PDE7A: variants seen among roughly 807,000 people sequenced by gnomAD.
PDE7A encodes high affinity 3',5'-cyclic-AMP phosphodiesterase 7A.
A neutral mutation model predicts 64.3 loss-of-function variants in PDE7A; 39 were observed. The observed-to-expected ratio is 0.61, with a 90% CI of 0.47 to 0.79. The LOEUF (loss-of-function observed/expected upper bound fraction) is 0.79, where lower values mean the gene tolerates loss of function less well. PDE7A is among the 30% of genes least tolerant of loss of function. PDE7A has a pLI of 0.00. For synonymous variants in PDE7A, 203 were observed against 206.8 expected, an observed-to-expected ratio of 0.98 and a Z score of 0.16; for missense variants, 470 against 582.8, an observed-to-expected ratio of 0.81 and a Z score of 1.99.
Position 65,779,738 on chromosome 8 carries a change from C to A in PDE7A, c.265G>T (p.Asp89Tyr). Residue 89 changes from aspartate to tyrosine, a missense_variant, in exon 3 of 13, where the codon GAT (aspartate) becomes TAT (tyrosine). Asp to Tyr is a radical substitution (Grantham distance 160, BLOSUM62 -3). Coordinates refer to ENST00000401827, the MANE Select transcript of PDE7A (RefSeq NM_001242318.3). The stretch of plus-strand genomic sequence containing the variant: ...CACTTACAGTGGAAAATACGAAAAT[C>A]AATATATGGGTGAGAACCTCTTCTT... ...SERRGSHPYI[D>Y]FRIFHSQSEI... is the part of the protein sequence containing the mutation. The A allele has an allele frequency of 6.3e-7, 1 of 1,576,210 alleles. No individual in the cohort carries two copies. The highest frequency in any genetic ancestry group is 8.7e-7 in the Non-Finnish European group (1 of 1,154,672).
chr8:65,733,728 A>AT (rs1220655597), intron 7 of PDE7A, among the ~76,000 whole-genome samples: 1 of 152,192 alleles, frequency 6.6e-6, no homozygotes, highest in East Asian at 1.9e-4. Context: ...AATAAAGTTG[A>AT]TTTTTTAAAA....
intron 1 of PDE7A, among the ~76,000 whole-genome samples, chr8:65,837,311 T>C (rs1224115766): frequency 6.6e-6 from 1 of 152,214 alleles, no homozygotes; most frequent in Non-Finnish European, 1.5e-5. Context: ...GTGGCAGTGT[T>C]ACAAACGATT....
chr8:65,809,752 CTCA>C (rs1006638385), intron 1 of PDE7A, among the ~76,000 whole-genome samples: 2 of 152,168 alleles, frequency 1.3e-5, no homozygotes, highest in African/African-American at 4.8e-5. Context: ...TGAAAAAATG[CTCA>C]TCATCACTGG....
chr8:65,822,834 C>A (rs920860678), intron 1 of PDE7A, among the ~76,000 whole-genome samples: 2 of 152,098 alleles, frequency 1.3e-5, no homozygotes, highest in Non-Finnish European at 2.9e-5. Flanking sequence ...ACAGGCTCCC[C>A]CACTCCCATT....
chr8:65,798,493 A>T (rs1337525470), intron 1 of PDE7A, among the ~76,000 whole-genome samples: 2 of 152,262 alleles, frequency 1.3e-5, no homozygotes, highest in South Asian at 4.1e-4. Flanking sequence ...TACAGGTGTG[A>T]GCCACCTTGT....
chr8:65,781,915 G>C (rs974453783), intron 2 of PDE7A, among the ~76,000 whole-genome samples: 3 of 152,142 alleles, frequency 2.0e-5, no homozygotes, highest in Non-Finnish European at 4.4e-5. Context: ...ATATGTACTG[G>C]AGTAGAAAAG....
rs1465053958 is a variant in PDE7A, at chr8:65,791,455, A to G, written c.139-8612T>C. 3.3e-5 allele frequency among the ~76,000 whole-genome samples: 5 copies of G among 152,196 alleles called. No individual in the cohort carries two copies. The East Asian group carries it at 9.6e-4, about 29-fold the overall frequency. ...TAAAACCTAGAAATGAGAATGCCCT[A>G]AACACTCCAGCTTCACCTTAACTCT... On this transcript the variant is annotated intron_variant, in intron 1 of 12. Transcript: ENST00000401827.
chr8:65,794,302 G>A (rs940940271), intron 1 of PDE7A, among the ~76,000 whole-genome samples: 4 of 152,014 alleles, frequency 2.6e-5, no homozygotes, highest in African/African-American at 9.7e-5. Context: ...ATGGGACAGT[G>A]CACCCACCAC....
At chr8:65,762,991 ATGTGTGTGTGTGTGTG>A (rs34371328) in intron 3 of PDE7A, among the ~76,000 whole-genome samples, 254 of 138,608 alleles carry the variant, frequency 1.8e-3, no homozygotes, top group African/African-American at 5.1e-3. Flanking sequence ...TATAAAAACA[ATGTGTGTGTGTGTGTG>A]TGTGTGTGTG....
At chr8:65,813,211 A>G (rs914337903) in intron 1 of PDE7A, among the ~76,000 whole-genome samples, 4 of 152,174 alleles carry the variant, frequency 2.6e-5, no homozygotes, top group African/African-American at 9.7e-5. Flanking sequence ...ATAGCTTCTG[A>G]CCCAAGTTCT....
intron 3 of PDE7A, among the ~76,000 whole-genome samples, chr8:65,757,251 C>T (rs945627387): frequency 6.6e-6 from 1 of 152,118 alleles, no homozygotes; most frequent in Non-Finnish European, 1.5e-5. Context: ...TTTCTTGAGG[C>T]CTGCTCCTGA....
At chr8:65,721,766 C>T (rs1806385458) in intron 12 of PDE7A, 1 of 151,114 alleles carries the variant, frequency 6.6e-6, no homozygotes, top group Non-Finnish European at 1.5e-5. Context: ...ACTACCGATT[C>T]ACCTGTCTTC....
intron 1 of PDE7A, among the ~76,000 whole-genome samples, chr8:65,807,935 C>G (rs909738293): frequency 6.6e-6 from 1 of 152,124 alleles, no homozygotes; most frequent in Non-Finnish European, 1.5e-5. Context: ...TTATTGTATA[C>G]AAGAATTTGG....
intron 1 of PDE7A, among the ~76,000 whole-genome samples, chr8:65,813,978 A>T (rs954016206): frequency 1.3e-5 from 2 of 152,210 alleles, no homozygotes; most frequent in Non-Finnish European, 2.9e-5. Flanking sequence ...AAATGATTTT[A>T]TTCTCTTTTA....
At chr8:65,739,947 G>A (rs1807335100) in intron 5 of PDE7A, among the ~76,000 whole-genome samples, 1 of 152,090 alleles carries the variant, frequency 6.6e-6, no homozygotes, top group Middle Eastern at 3.2e-3. Flanking sequence ...GGCTGCACCT[G>A]ACCTCCCTCC....
chr8:65,740,672 T>C (rs1194526273), intron 5 of PDE7A, among the ~76,000 whole-genome samples: 1 of 152,082 alleles, frequency 6.6e-6, no homozygotes, highest in East Asian at 1.9e-4. Context: ...AGTGCTGGGA[T>C]TTACAGGCGT....
At chr8:65,721,531 TG>T (rs1350386193) in intron 12 of PDE7A, among the ~76,000 whole-genome samples, 1 of 152,168 alleles carries the variant, frequency 6.6e-6, no homozygotes, top group Non-Finnish European at 1.5e-5. Flanking sequence ...AGTCAGCAGA[TG>T]TCAACAATCA....
In PDE7A at chr8:65,794,456, G is replaced by A. The variant is rs565475795; in HGVS notation, c.139-11613C>T. ...AAAAAAAAAACTTCACCTATAAGTA[G>A]TATTATAAACAGACCAATACTTGTA... On this transcript the variant is annotated intron_variant, in intron 1 of 12. Transcript: ENST00000401827. Among the ~76,000 whole-genome samples the A allele has an allele frequency of 2.0e-5, 3 of 151,816 alleles. No homozygotes were observed. The South Asian group carries it at 6.2e-4, about 32-fold the overall frequency.
intron 3 of PDE7A, among the ~76,000 whole-genome samples, chr8:65,775,281 GT>G (rs1809227826): frequency 6.6e-6 from 1 of 151,988 alleles, no homozygotes; most frequent in Non-Finnish European, 1.5e-5. Context: ...ATTGATTGCT[GT>G]TTTTTATCTT....
Sources: gnomAD v4.1 joint callset for allele counts (sites outside exome capture counted in the v4.1 genomes callset) on GRCh38, gnomAD v4.1.1 for gene constraint, MANE v1.5 for transcripts, NCBI Gene and HGNC (gene_info 2026-07-23, HGNC 2026-07-21) for gene names.